Variants in EDARADD observed in about 807,000 individuals in gnomAD.
EDARADD encodes ectodysplasin-A receptor-associated adapter protein.
Under a neutral mutation model 25.6 loss-of-function variants are expected in EDARADD, and 20 were observed. The ratio of observed to expected loss-of-function variants is 0.78; its 90% CI spans 0.55 to 1.14. The LOEUF (loss-of-function observed/expected upper bound fraction) is 1.14, where lower values mean the gene tolerates loss of function less well. Ranked by LOEUF, EDARADD falls within the 50% of genes most tolerant of loss-of-function variation. The pLI, the probability that EDARADD is intolerant of heterozygous loss-of-function variation, is 0.00. For missense variants in EDARADD, 225 were observed against 270.1 expected (o/e 0.83, Z 1.17); for synonymous variants, 86 against 94.4 (o/e 0.91, Z 0.52).
intron 5 of EDARADD, among the ~76,000 whole-genome samples, chr1:236,473,661 T>C (rs920684933): frequency 7.2e-5 from 11 of 152,240 alleles, no homozygotes; most frequent in African/African-American, 2.6e-4. Flanking sequence ...GGCGTGCGCC[T>C]GTGGTCCCAG....
intron 5 of EDARADD, among the ~76,000 whole-genome samples, chr1:236,472,847 G>A (rs1226269772): frequency 6.6e-6 from 1 of 152,116 alleles, no homozygotes; most frequent in Non-Finnish European, 1.5e-5. Flanking sequence ...ACATCTGCAT[G>A]GGGTTAGCTG....
At chr1:236,386,872 G>T in intron 3 of EDARADD, among the ~76,000 whole-genome samples, 1 of 85,534 alleles carries the variant, frequency 1.2e-5, no homozygotes, top group African/African-American at 4.2e-5. Flanking sequence ...GGAGGGAGGT[G>T]GGGGGTCAGC....
intron 3 of EDARADD, among the ~76,000 whole-genome samples, chr1:236,372,383 TG>T (rs1267936596): frequency 6.6e-6 from 1 of 152,254 alleles, no homozygotes; most frequent in Non-Finnish European, 1.5e-5. Flanking sequence ...AATTGATTTT[TG>T]GGTGTTAAAT....
intron 4 of EDARADD, among the ~76,000 whole-genome samples, chr1:236,454,109 G>A (rs1261804195): frequency 1.3e-5 from 2 of 152,024 alleles, no homozygotes; most frequent in African/African-American, 4.8e-5. Flanking sequence ...GCAGTGGCGT[G>A]ATCTTGGCTC....
rs1572112382 is a variant in EDARADD, at chr1:236,369,670, C to T, written c.-6+18831C>T. ...CAGCCTCAACATGGAGAGACCCCGT[C>T]TCTACTAAAAATACAAAATTAGCTG... On this transcript the variant is annotated intron_variant, in intron 3 of 7. Transcript: ENST00000439430. Among the ~76,000 whole-genome samples, 3 of 152,056 alleles carry T rather than the reference C, an allele frequency of 2.0e-5. No homozygotes were observed. The East Asian group carries it at 5.8e-4, about 29-fold the overall frequency.
chr1:236,418,614 G>T (rs1301303967), intron 3 of EDARADD, among the ~76,000 whole-genome samples: 1 of 152,184 alleles, frequency 6.6e-6, no homozygotes, highest in African/African-American at 2.4e-5. Context: ...ATGCTGTTTG[G>T]GGGTGCCTTT....
At chr1:236,363,609 G>A (rs1430507490) in intron 3 of EDARADD, among the ~76,000 whole-genome samples, 1 of 151,540 alleles carries the variant, frequency 6.6e-6, no homozygotes. Context: ...ATAAGACGGG[G>A]TCTTGAACTC....
intron 3 of EDARADD, among the ~76,000 whole-genome samples, chr1:236,357,942 G>A (rs1259339168): frequency 1.3e-5 from 2 of 150,706 alleles, no homozygotes; most frequent in South Asian, 2.1e-4. Flanking sequence ...GCATGACCTC[G>A]GCTCACTGCA....
intron 3 of EDARADD, among the ~76,000 whole-genome samples, chr1:236,384,779 C>T (rs1360418333): frequency 1.3e-5 from 2 of 152,158 alleles, no homozygotes; most frequent in Non-Finnish European, 2.9e-5. Context: ...CAAGCAATTC[C>T]TGGACCTTCC....
chr1:236,484,466 G>A lies in EDARADD; in HGVS notation c.*1817G>A. On this transcript the variant is annotated 3_prime_UTR_variant, in exon 6 of 6. Transcript: ENST00000334232. This position sits in a 1 kb window ranked among gnomAD's most constrained non-coding sequence, Gnocchi z 4.1. ...GGAACTTCAGAAACCCCCCAGCCAAGTAAGCTGTGGGCAGGCAAGCCCTTC... is the reference window on the plus strand; with the variant it reads ...GGAACTTCAGAAACCCCCCAGCCAAATAAGCTGTGGGCAGGCAAGCCCTTC... The A allele has an allele frequency of 6.2e-7, 1 of 1,607,976 alleles. No individual in the cohort carries two copies. Among genetic ancestry groups the A allele is most frequent in the Non-Finnish European group, 8.5e-7 (1 of 1,177,174 alleles).
intron 2 of EDARADD, among the ~76,000 whole-genome samples, chr1:236,411,916 T>G (rs1057172912): frequency 6.6e-6 from 1 of 152,210 alleles, no homozygotes; most frequent in African/African-American, 2.4e-5. Flanking sequence ...ATAACTTAAC[T>G]AATTACCTCT....
At chr1:236,405,340 C>T (rs1252308606) in intron 1 of EDARADD, among the ~76,000 whole-genome samples, 7 of 152,206 alleles carry the variant, frequency 4.6e-5, no homozygotes, top group African/African-American at 1.4e-4. Context: ...GGCCTCATAA[C>T]CCTCCAACAC....
At chr1:236,365,877 T>A (rs1667108076) in intron 3 of EDARADD, among the ~76,000 whole-genome samples, 1 of 152,188 alleles carries the variant, frequency 6.6e-6, no homozygotes, top group East Asian at 1.9e-4. Flanking sequence ...ACTAACCTTT[T>A]TTCTGCAATG....
intron 1 of EDARADD, among the ~76,000 whole-genome samples, chr1:236,401,735 C>T (rs915148070): frequency 7.2e-5 from 11 of 152,152 alleles, no homozygotes; most frequent in East Asian, 1.9e-4. Context: ...TGAACTGTTA[C>T]GGGTTGAATT....
At chr1:236,447,326 C>T (rs1399563569) in intron 4 of EDARADD, among the ~76,000 whole-genome samples, 11 of 151,470 alleles carry the variant, frequency 7.3e-5, no homozygotes, top group African/African-American at 2.4e-4. Context: ...GCTGCAATCT[C>T]GGCTCACTGC....
intron 1 of EDARADD, among the ~76,000 whole-genome samples, chr1:236,394,747 T>C (rs1453399042): frequency 6.6e-6 from 1 of 152,228 alleles, no homozygotes; most frequent in Admixed American, 6.5e-5. Context: ...TGATGGATGA[T>C]AGCTTTAGTT....
chr1:236,429,189 G>T (rs1658025236), intron 4 of EDARADD, among the ~76,000 whole-genome samples: 1 of 114,140 alleles, frequency 8.8e-6, no homozygotes, highest in Admixed American at 8.6e-5. Context: ...CTGTGCAGAG[G>T]GAGAGGGAGC....
At chr1:236,351,708 CAAAAA>C (rs35576705) in intron 3 of EDARADD, among the ~76,000 whole-genome samples, 1 of 123,366 alleles carries the variant, frequency 8.1e-6, no homozygotes. Flanking sequence ...GACTCTGTCT[CAAAAA>C]AAAAAAAAAA....
In EDARADD at chr1:236,441,269, T is replaced by TTA. The variant is rs763799702; in HGVS notation, c.219+13831_219+13832dup. 1.9e-3 allele frequency among the ~76,000 whole-genome samples: 273 copies of TTA among 144,772 alleles called. 2 individuals carry two copies. The highest frequency in any genetic ancestry group is 0.011 in the Middle Eastern group (3 of 276). The allele number at this position is 144,772 out of a possible 152,430, so 95.0% of individuals were successfully genotyped here. ...AGAGTAAGGCCCTAACCCTCTTTATTTATATATATATATTATATATATATA... is the reference window on the plus strand; with the variant it reads ...AGAGTAAGGCCCTAACCCTCTTTATTTATATATATATATATTATATATATATA... On this transcript the variant is annotated intron_variant, in intron 4 of 5. Coordinates refer to ENST00000334232, the MANE Select transcript of EDARADD (RefSeq NM_145861.4).
Sources: allele counts gnomAD v4.1 joint callset (sites outside exome capture counted in the v4.1 genomes callset), GRCh38; gene constraint gnomAD v4.1.1; non-coding constraint Gnocchi (gnomAD v3.1); transcripts MANE v1.5; gene names NCBI Gene and HGNC (gene_info 2026-07-23, HGNC 2026-07-21).